The following PI4KB variants were observed in gnomAD, a reference collection of about 807,000 sequenced individuals.
PI4KB encodes the protein PtdIns 4-kinase beta.
In PI4KB, 23 loss-of-function variants were observed where a neutral mutation model predicts 81.4. The observed-to-expected ratio is 0.28, with a 90% CI of 0.20 to 0.40. PI4KB has a LOEUF of 0.40. Among genes scored for constraint, PI4KB ranks in the 10% least tolerant of loss-of-function variants. The probability of loss-of-function intolerance (pLI) is 1.00; values close to 1 mark genes in which losing one functional copy is unlikely to be tolerated. For synonymous variants in PI4KB, 381 were observed against 406.8 expected, an observed-to-expected ratio of 0.94 and a Z score of 0.76; for missense variants, 651 against 1,036.6, an observed-to-expected ratio of 0.63 and a Z score of 5.11.
At chr1:151,317,934 G>A (rs948140761) in intron 1 of PI4KB, among the ~76,000 whole-genome samples, 19 of 151,448 alleles carry the variant, frequency 1.3e-4, no homozygotes, top group Non-Finnish European at 2.4e-4. Context: ...TCAGCCTCCC[G>A]AGTAGCTAGG....
intron 1 of PI4KB, among the ~76,000 whole-genome samples, chr1:151,322,773 G>A (rs1649033767): frequency 6.6e-6 from 1 of 151,550 alleles, no homozygotes; most frequent in Non-Finnish European, 1.5e-5. Context: ...CTCTTACTCT[G>A]TTGCCCAGGT....
chr1:151,319,461 TC>T (rs1004855985), intron 1 of PI4KB, among the ~76,000 whole-genome samples: 2 of 151,340 alleles, frequency 1.3e-5, no homozygotes, highest in Non-Finnish European at 2.9e-5. Context: ...CCAATACCAC[TC>T]CCCCCACTGT....
At chr1:151,311,421 A>C (rs1170039510) in intron 2 of PI4KB, among the ~76,000 whole-genome samples, 1 of 152,222 alleles carries the variant, frequency 6.6e-6, no homozygotes, top group African/African-American at 2.4e-5. Context: ...TTCTAGCTGG[A>C]GGTCCTATAG....
At position 151,310,063 on chromosome 1, in the gene PI4KB, A is replaced by C. The variant is rs955102871; in HGVS notation, c.954+148T>G. 22 of 633,076 alleles carry C rather than the reference A, an allele frequency of 3.5e-5. No homozygotes were observed. In the African/African-American group the frequency reaches 3.9e-4, roughly 11 times the overall value. The allele number at this position is 633,076 out of a possible 1,614,324, so 39.2% of individuals were successfully genotyped here. A position where few individuals can be genotyped will look rare whatever the true frequency, so the allele number is the denominator to read the frequency against. On this transcript the variant is annotated intron_variant, in intron 3 of 11. Transcript: ENST00000368873. ...TCAGGGGAACTCCAGCAGATCTGGG[A>C]GGTCTGGGAGGGAGGAGCTGATCTC... is the stretch of plus-strand genomic sequence containing the variant.
chr1:151,312,797 T>C (rs1647305681), intron 2 of PI4KB, among the ~76,000 whole-genome samples: 1 of 152,214 alleles, frequency 6.6e-6, no homozygotes, highest in Admixed American at 6.5e-5. Flanking sequence ...GAGGATGACT[T>C]GAAGCCAGGA....
At chr1:151,297,744 G>T (rs2101917030) in intron 9 of PI4KB, among the ~76,000 whole-genome samples, 1 of 152,096 alleles carries the variant, frequency 6.6e-6, no homozygotes, top group East Asian at 1.9e-4. Context: ...TCACCATGTT[G>T]GCCAGGCTGG....
At position 151,315,598 on chromosome 1, in the gene PI4KB, T is replaced by C. The variant is rs1461961990; in HGVS notation, c.884A>G (p.Asn295Ser). Residue 295 changes from asparagine to serine, a missense_variant, in exon 2 of 12, where the codon AAC (asparagine) becomes AGC (serine). By Grantham distance (46) the Asn-to-Ser change is conservative. This residue lies in a region of PI4KB where 314 missense variants were observed against 397.8 expected (regional missense o/e 0.79). Coordinates refer to ENST00000368873, the MANE Select transcript of PI4KB (RefSeq NM_001369623.2). ...LSSNLKRTAS[N>S]PKVENEDEEL... is the part of the protein sequence containing the mutation. ...CTCATCCTCATTCTCCACTTTAGGGTTGCTGGCTGTTCGTTTCAGGTTGCT... is the reference window on the plus strand; with the variant it reads ...CTCATCCTCATTCTCCACTTTAGGGCTGCTGGCTGTTCGTTTCAGGTTGCT... The C allele has an allele frequency of 6.2e-7, 1 of 1,613,950 alleles. No homozygotes were observed. Among genetic ancestry groups the C allele is most frequent in the Non-Finnish European group, 8.5e-7 (1 of 1,179,930 alleles).
chr1:151,301,328 G>A (rs1158674156), intron 8 of PI4KB, among the ~76,000 whole-genome samples: 3 of 152,202 alleles, frequency 2.0e-5, no homozygotes, highest in African/African-American at 7.2e-5. Context: ...CTATTCTCCT[G>A]CCTCAGCCTC....
chr1:151,308,435 T>G (rs1410680871), intron 3 of PI4KB, among the ~76,000 whole-genome samples: 1 of 152,154 alleles, frequency 6.6e-6, no homozygotes, highest in East Asian at 1.9e-4. Flanking sequence ...TGAGCAGACT[T>G]TGCATTAATC....
rs1571168485 is a variant in PI4KB, at chr1:151,304,791, G to A, written c.1411-1141C>T. On this transcript the variant is annotated intron_variant, in intron 5 of 11. Coordinates refer to ENST00000368873, the MANE Select transcript of PI4KB (RefSeq NM_001369623.2). ...GTGCTTCAAGAATCACTTGCCTCCC[G>A]AGTAGCTGGGATTACAGGCATGTTC... Among the ~76,000 whole-genome samples the A allele has an allele frequency of 2.6e-5, 4 of 151,432 alleles. 1 individual carries two copies. The highest frequency in any genetic ancestry group is 4.2e-4 in the South Asian group (2 of 4,788).
intron 10 of PI4KB, 44 bp from the exon 11 acceptor site, chr1:151,294,182 C>G (rs149448972): frequency 3.8e-6 from 6 of 1,588,702 alleles, no homozygotes; most frequent in Admixed American, 1.7e-5. Context: ...GGTCTTACAC[C>G]GGGGATGGTC....
At chr1:151,301,734 A>G in intron 8 of PI4KB, 110 bp downstream of exon 8, 2 of 985,338 alleles carry the variant, frequency 2.0e-6, no homozygotes, top group East Asian at 2.5e-5. Context: ...GGGTTTCACC[A>G]TCTTGGCCAG....
intron 1 of PI4KB, among the ~76,000 whole-genome samples, chr1:151,322,303 A>G (rs1277178292): frequency 6.6e-6 from 1 of 152,232 alleles, no homozygotes; most frequent in Admixed American, 6.5e-5. Flanking sequence ...AAGACACAGA[A>G]GATATACACA....
At chr1:151,324,883 G>C in intron 1 of PI4KB, 1 of 985,232 alleles carries the variant, frequency 1.0e-6, no homozygotes, top group Non-Finnish European at 1.2e-6. Context: ...TGCTTTGGAT[G>C]GTGTTCAGCA....
chr1:151,292,601 T>C lies in PI4KB; in HGVS notation c.*251A>G. The C allele has an allele frequency of 2.0e-6, 1 of 498,578 alleles. No homozygotes were observed. Among genetic ancestry groups the C allele is most frequent in the Non-Finnish European group, 3.6e-6 (1 of 277,882 alleles). 30.9% of individuals were successfully genotyped at this position (498,578 alleles called of 1,614,324 possible). ...TTCTGGAGGGCAGTGAGTCCTGGAG[T>C]CAGTCTGGTGGTAATACTGACACAG... is the stretch of plus-strand genomic sequence containing the variant. On this transcript the variant is annotated 3_prime_UTR_variant, in exon 12 of 12. Coordinates refer to ENST00000368873, the MANE Select transcript of PI4KB (RefSeq NM_001369623.2).
chr1:151,314,201 G>A (rs587601372), intron 2 of PI4KB, among the ~76,000 whole-genome samples: 21 of 152,254 alleles, frequency 1.4e-4, no homozygotes, highest in East Asian at 7.7e-4. Flanking sequence ...TATCAAAAAC[G>A]TGGGTGGGTT....
At chr1:151,306,029 A>G (rs2031797) in intron 5 of PI4KB, 107 bp downstream of exon 5, 612,029 of 808,750 alleles carry the variant, frequency 0.76, 232,898 homozygotes, top group Middle Eastern at 0.83. Flanking sequence ...ACTCATTAGG[A>G]TACTTGCCTT....
chr1:151,302,508 T>A (rs939397977), intron 6 of PI4KB, among the ~76,000 whole-genome samples: 1 of 151,968 alleles, frequency 6.6e-6, no homozygotes. Flanking sequence ...TACCAGGCCC[T>A]CCATATTCCT....
Position 151,299,054 on chromosome 1 carries a change from C to A in PI4KB, c.1769G>T (p.Arg590Leu), listed in dbSNP as rs773543566. Residue 590 changes from arginine to leucine, a missense_variant, in exon 9 of 12, where the codon CGA becomes CTA. Arg to Leu is a moderately radical substitution (Grantham distance 102). This residue lies in a region of PI4KB where 246 missense variants were observed against 430.1 expected (regional missense o/e 0.57). Transcript: ENST00000368873. The part of the protein sequence containing the change: ...KQLQSIWEQE[R>L]VPLWIKPYKI... ...GTATGGCTTGATCCAAAGGGGCACT[C>A]GCTCCTGTTCCCAAATGGACTGTGA... The A allele has an allele frequency of 6.2e-7, 1 of 1,613,910 alleles. No homozygotes were observed. Among genetic ancestry groups the A allele is most frequent in the Non-Finnish European group, 8.5e-7 (1 of 1,179,902 alleles).
Sources: allele counts gnomAD v4.1 joint callset (sites outside exome capture counted in the v4.1 genomes callset), GRCh38; gene constraint gnomAD v4.1.1; regional missense constraint gnomAD v4.1.1; transcripts MANE v1.5; gene names NCBI Gene and HGNC (gene_info 2026-07-23, HGNC 2026-07-21).